Variants in CLCN5 observed in about 807,000 individuals in gnomAD.
The protein encoded by CLCN5 is H(+)/Cl(-) exchange transporter 5.
Under a neutral mutation model 54.0 loss-of-function variants are expected in CLCN5, and 17 were observed. That is an observed-to-expected ratio of 0.31 (90% confidence interval 0.22 to 0.47). CLCN5 has a LOEUF of 0.47. Among genes scored for constraint, CLCN5 ranks in the 20% least tolerant of loss-of-function variants. The pLI, the probability that CLCN5 is intolerant of heterozygous loss-of-function variation, is 1.00. For synonymous variants in CLCN5, 222 were observed against 233.0 expected, an observed-to-expected ratio of 0.95 and a Z score of 0.43; for missense variants, 448 against 646.7, an observed-to-expected ratio of 0.69 and a Z score of 3.33.
At chrX:49,949,143 T>C (rs1557172618) in intron 3 of CLCN5, among the ~76,000 whole-genome samples, 1 of 112,151 alleles carries the variant, frequency 8.9e-6, no homozygotes, top group African/African-American at 3.2e-5. Flanking sequence ...TAGTAGTGGT[T>C]CTCAACTAGG....
intron 3 of CLCN5, among the ~76,000 whole-genome samples, chrX:50,035,517 G>C (rs1407764769): frequency 9.2e-6 from 1 of 108,148 alleles, no homozygotes; most frequent in African/African-American, 3.4e-5. Context: ...AGTCAACATA[G>C]ATATGTGAAC....
At chrX:49,938,393 A>G (rs1926121902) in intron 3 of CLCN5, among the ~76,000 whole-genome samples, 1 of 111,833 alleles carries the variant, frequency 8.9e-6, no homozygotes, top group Non-Finnish European at 1.9e-5. Flanking sequence ...AAACTATACT[A>G]CAAGGCTACA....
At chrX:49,965,081 A>G (rs1927777639) in intron 3 of CLCN5, among the ~76,000 whole-genome samples, 1 of 111,595 alleles carries the variant, frequency 9.0e-6, no homozygotes, top group Non-Finnish European at 1.9e-5. Flanking sequence ...AGTTTTGTAT[A>G]GCTCATTCCA....
intron 4 of CLCN5, 27 bp from the exon 5 acceptor site, chrX:50,069,852 C>G: frequency 8.5e-7 from 1 of 1,174,326 alleles, no homozygotes; most frequent in African/African-American, 1.8e-5. Flanking sequence ...TTCTGAAGTA[C>G]TAATGTCTAT....
intron 11 of CLCN5, 126 bp downstream of exon 11, chrX:50,086,996 C>A: frequency 1.6e-6 from 1 of 640,966 alleles, no homozygotes; most frequent in Non-Finnish European, 2.5e-6. Context: ...ATTATTCCCC[C>A]ACCCCCAAAG....
intron 3 of CLCN5, among the ~76,000 whole-genome samples, chrX:50,000,660 G>A (rs987414207): frequency 1.7e-4 from 19 of 111,857 alleles, no homozygotes; most frequent in Admixed American, 1.4e-3. Flanking sequence ...GAATCCTGGC[G>A]TGATCTGTAA....
chrX:49,938,987 A>G (rs1475559751), intron 3 of CLCN5, among the ~76,000 whole-genome samples: 1 of 105,388 alleles, frequency 9.5e-6, no homozygotes, highest in Admixed American at 1.0e-4. Context: ...GGATATGAAC[A>G]GACACTTCTC....
chrX:50,040,844 T>C (rs1476945317), intron 3 of CLCN5, among the ~76,000 whole-genome samples: 3 of 111,786 alleles, frequency 2.7e-5, no homozygotes, highest in Non-Finnish European at 5.6e-5. Context: ...TAAATGTCAC[T>C]CACACTTCGG....
chrX:50,003,281 T>C (rs782554771), intron 3 of CLCN5: 1 of 367,069 alleles, frequency 2.7e-6, no homozygotes, highest in South Asian at 2.5e-5. Flanking sequence ...CATGGACAGG[T>C]ACACCAAAGG....
intron 3 of CLCN5, among the ~76,000 whole-genome samples, chrX:49,958,242 T>C (rs2147300381): frequency 9.0e-6 from 1 of 110,944 alleles, no homozygotes; most frequent in South Asian, 3.8e-4. Context: ...TGAGATTAGT[T>C]TTTTTTTTCA....
At chrX:49,975,785 A>G (rs1928447562) in intron 3 of CLCN5, among the ~76,000 whole-genome samples, 1 of 111,972 alleles carries the variant, frequency 8.9e-6, no homozygotes, top group Admixed American at 9.5e-5. Context: ...TGTATGAGTG[A>G]TTAAACAAAA....
At position 49,922,767 on chromosome X, in the gene CLCN5, T is replaced by A. The variant is rs1295849881; in HGVS notation, c.-230T>A. On this transcript the variant is annotated 5_prime_UTR_variant, in exon 1 of 15. Transcript: ENST00000376091. ...CTGCCCACCGGCGGCGGACACGGGCTCCGCCGCTCCGGACCTCGGCGACAG... is the reference window on the plus strand; with the variant it reads ...CTGCCCACCGGCGGCGGACACGGGCACCGCCGCTCCGGACCTCGGCGACAG... 1 of 113,066 alleles carries A rather than the reference T, an allele frequency of 8.8e-6. No homozygotes were observed. The highest frequency in any genetic ancestry group is 3.2e-5 in the African/African-American group (1 of 31,168). The allele number at this position is 113,066 out of a possible 1,213,427, so 9.3% of individuals were successfully genotyped here. A position where few individuals can be genotyped will look rare whatever the true frequency, so the allele number is the denominator to read the frequency against.
chrX:49,933,752 G>A (rs782625533), intron 3 of CLCN5, among the ~76,000 whole-genome samples: 5 of 112,172 alleles, frequency 4.5e-5, no homozygotes, highest in Non-Finnish European at 9.4e-5. Flanking sequence ...ACTTGCACAT[G>A]CTGGCCTTTA....
chrX:49,926,537 TAAA>T, intron 3 of CLCN5, among the ~76,000 whole-genome samples: 1 of 111,462 alleles, frequency 9.0e-6, no homozygotes, highest in Non-Finnish European at 1.9e-5. Flanking sequence ...TGAGCTGGTC[TAAA>T]AAAATGAGTA....
intron 4 of CLCN5, among the ~76,000 whole-genome samples, chrX:50,061,796 A>T (rs1557189961): frequency 2.8e-5 from 1 of 35,929 alleles, no homozygotes; most frequent in East Asian, 8.5e-4. Context: ...CCATCAGACT[A>T]ACAGCAGATC....
At chrX:49,962,620 T>C (rs190193751) in intron 3 of CLCN5, among the ~76,000 whole-genome samples, 101 of 112,021 alleles carry the variant, frequency 9.0e-4, no homozygotes, top group African/African-American at 2.9e-3. Context: ...GCACATTCCA[T>C]GAATCCTCTG....
At chrX:50,069,407 G>A (rs782336834) in intron 4 of CLCN5, 12 of 492,309 alleles carry the variant, frequency 2.4e-5, no homozygotes, top group African/African-American at 5.3e-5. Context: ...AACTTAACTC[G>A]TGAAGAGGCC....
intron 3 of CLCN5, among the ~76,000 whole-genome samples, chrX:50,026,668 G>A (rs1557185057): frequency 9.0e-6 from 1 of 111,712 alleles, no homozygotes; most frequent in Admixed American, 9.5e-5. Flanking sequence ...TGCTCTGTCT[G>A]AAATTAATAT....
chrX:50,087,747 T>C (rs1300369521), intron 11 of CLCN5, among the ~76,000 whole-genome samples: 2 of 111,700 alleles, frequency 1.8e-5, no homozygotes, highest in Admixed American at 1.9e-4. Flanking sequence ...AATTTTGCAG[T>C]GCTTCTTGAG....
Sources: gnomAD v4.1 joint callset for allele counts (sites outside exome capture counted in the v4.1 genomes callset) on GRCh38, gnomAD v4.1.1 for gene constraint, MANE v1.5 for transcripts, NCBI Gene and HGNC (gene_info 2026-07-23, HGNC 2026-07-21) for gene names.